The following JAZF1 variants were observed in gnomAD, a reference collection of about 807,000 sequenced individuals.
JAZF1 encodes the protein juxtaposed with another zinc finger protein 1.
JAZF1 carries 8 observed loss-of-function variants against 26.4 expected under a neutral mutation model. That is an observed-to-expected ratio of 0.30 (90% CI 0.18 to 0.55). The LOEUF (loss-of-function observed/expected upper bound fraction) is 0.55, where lower values mean the gene tolerates loss of function less well. Among genes scored for constraint, JAZF1 ranks in the 20% least tolerant of loss-of-function variants. The pLI is 0.94. For missense variants in JAZF1, 199 were observed against 322.0 expected, an observed-to-expected ratio of 0.62 and a Z score of 2.92; for synonymous variants, 126 against 122.3, an observed-to-expected ratio of 1.03 and a Z score of -0.20.
At chr7:28,143,076 AAG>A (rs1782981195) in intron 1 of JAZF1, among the ~76,000 whole-genome samples, 1 of 152,168 alleles carries the variant, frequency 6.6e-6, no homozygotes, top group Non-Finnish European at 1.5e-5. Context: ...AGAGAGAATG[AAG>A]AGTTTTGTTT....
chr7:27,998,227 C>CTATTAAAAATGCTGCT (rs1314142557), intron 1 of JAZF1, among the ~76,000 whole-genome samples: 2 of 152,126 alleles, frequency 1.3e-5, no homozygotes, highest in African/African-American at 4.8e-5. Context: ...AGCATTTGGA[C>CTATTAAAAATGCTGCT]TATTAAAAAT....
At chr7:27,982,782 C>A (rs1029747217) in intron 2 of JAZF1, among the ~76,000 whole-genome samples, 30 of 152,158 alleles carry the variant, frequency 2.0e-4, no homozygotes, top group Non-Finnish European at 7.4e-5. Context: ...TGTCGTCCTG[C>A]AATATTTGCT....
chr7:28,141,655 G>GT (rs2127945712), intron 1 of JAZF1, among the ~76,000 whole-genome samples: 1 of 152,290 alleles, frequency 6.6e-6, no homozygotes, highest in African/African-American at 2.4e-5. Context: ...TTCATATACA[G>GT]TAAGTTCAGC....
At chr7:27,996,036 A>T (rs1786008638) in intron 1 of JAZF1, among the ~76,000 whole-genome samples, 1 of 152,202 alleles carries the variant, frequency 6.6e-6, no homozygotes, top group Non-Finnish European at 1.5e-5. Context: ...TGTCTCCAGC[A>T]CTGGAACCAA....
intron 3 of JAZF1, among the ~76,000 whole-genome samples, chr7:27,873,998 G>A (rs1783629361): frequency 1.3e-5 from 2 of 152,352 alleles, no homozygotes; most frequent in South Asian, 4.1e-4. Context: ...AATTGGAATG[G>A]CAATCATAAG....
At chr7:28,035,190 G>C (rs908616135) in intron 1 of JAZF1, among the ~76,000 whole-genome samples, 1 of 151,176 alleles carries the variant, frequency 6.6e-6, no homozygotes, top group Non-Finnish European at 1.5e-5. Flanking sequence ...GGTGGTGGGC[G>C]CCTGTAATCC....
Position 28,180,690 on chromosome 7 carries a change from G to A in JAZF1, c.-113C>T. ...GAGGGGCTGGGGGAGGGGGAGAGAG[G>A]CGGGGTGAGGGGAGCGGCGAGGACG... On this transcript the variant is annotated 5_prime_UTR_variant, in exon 1 of 5. Transcript: ENST00000283928. 1.6e-6 allele frequency: 1 copy of A among 629,334 alleles called. No homozygotes were observed. Among genetic ancestry groups the A allele is most frequent in the Non-Finnish European group, 2.8e-6 (1 of 361,954 alleles). The allele number at this position is 629,334 out of a possible 1,614,324, so 39.0% of individuals were successfully genotyped here. A position where few individuals can be genotyped will look rare whatever the true frequency, so the allele number is the denominator to read the frequency against.
intron 1 of JAZF1, among the ~76,000 whole-genome samples, chr7:28,131,394 C>T (rs1156470479): frequency 6.6e-6 from 1 of 151,996 alleles, no homozygotes; most frequent in Admixed American, 6.6e-5. Context: ...GGGAAAATAA[C>T]AGAAGATTCT....
Position 27,895,373 on chromosome 7 carries a change from T to G in JAZF1, c.232A>C (p.Lys78Gln), listed in dbSNP as rs1784043896. ...AGCGAGAGCTTCGGCTGAATCTTCTTCTTTAGGGACTCCTGCTCTCGGCGG... is the reference window on the plus strand; with the variant it reads ...AGCGAGAGCTTCGGCTGAATCTTCTGCTTTAGGGACTCCTGCTCTCGGCGG... ...AARREQESLK[K>Q]KIQPKLSLTL... Residue 78 changes from lysine (K) to glutamine (Q), a missense_variant, in exon 3 of 5, where the codon AAG becomes CAG. Lys to Gln is a moderately conservative substitution (Grantham distance 53, BLOSUM62 1). Around this residue, in one of 2 missense-constraint regions of JAZF1, gnomAD observed 137 missense variants for 184.8 expected, o/e 0.74. Coordinates refer to ENST00000283928, the MANE Select transcript of JAZF1 (RefSeq NM_175061.4). The G allele has an allele frequency of 6.2e-7, 1 of 1,607,138 alleles. No homozygotes were observed. Among genetic ancestry groups the G allele is most frequent in the African/African-American group, 1.3e-5 (1 of 74,454 alleles).
chr7:28,110,336 G>C (rs951950302), intron 1 of JAZF1, among the ~76,000 whole-genome samples: 2 of 151,518 alleles, frequency 1.3e-5, no homozygotes, highest in Admixed American at 1.3e-4. Context: ...TGCGGGAGGA[G>C]AATCACTTGA....
At chr7:28,048,266 T>C (rs1783531149) in intron 1 of JAZF1, among the ~76,000 whole-genome samples, 1 of 152,226 alleles carries the variant, frequency 6.6e-6, no homozygotes, top group Non-Finnish European at 1.5e-5. Flanking sequence ...TCAAGTAAGC[T>C]TGCCAGGTGT....
chr7:28,080,743 C>T (rs962512648), intron 1 of JAZF1, among the ~76,000 whole-genome samples: 15 of 152,144 alleles, frequency 9.9e-5, no homozygotes, highest in Middle Eastern at 3.4e-3. Flanking sequence ...TTAAGTTCAC[C>T]GTCTTATATG....
chr7:27,918,098 C>T (rs1784472515), intron 2 of JAZF1, among the ~76,000 whole-genome samples: 1 of 152,106 alleles, frequency 6.6e-6, no homozygotes. Context: ...AGGAGCAGGG[C>T]CTCTCTAATG....
At chr7:28,094,462 G>C (rs1259096224) in intron 1 of JAZF1, among the ~76,000 whole-genome samples, 1 of 152,216 alleles carries the variant, frequency 6.6e-6, no homozygotes, top group East Asian at 1.9e-4. Flanking sequence ...CCGCTCCGTA[G>C]CACGAAAAGC....
chr7:27,847,578 A>G (rs1431900975), intron 3 of JAZF1, among the ~76,000 whole-genome samples: 1 of 152,206 alleles, frequency 6.6e-6, no homozygotes, highest in Non-Finnish European at 1.5e-5. Flanking sequence ...CTCGTCAAAA[A>G]GCAGTTGAAT....
chr7:28,134,951 C>T (rs934585793), intron 1 of JAZF1, among the ~76,000 whole-genome samples: 8 of 152,194 alleles, frequency 5.3e-5, no homozygotes, highest in African/African-American at 7.2e-5. Flanking sequence ...TATATATACA[C>T]GTGCTCAACA....
Position 28,042,678 on chromosome 7 carries a change from G to A in JAZF1, c.116-50697C>T, listed in dbSNP as rs117881281. On this transcript the variant is annotated intron_variant, in intron 1 of 4. Coordinates refer to ENST00000283928, the MANE Select transcript of JAZF1 (RefSeq NM_175061.4). ...ATGATGGAACACTTACGTGATGGTG[G>A]TCCCATAAGGTTGTAATGCTGTATT... Among the ~76,000 whole-genome samples the A allele has an allele frequency of 2.8e-4, 42 of 152,214 alleles. No individual in the cohort carries two copies. In the East Asian group the frequency reaches 7.9e-3, roughly 29 times the overall value.
rs147420368 is a variant in JAZF1 at position 28,087,161 on chromosome 7, A to T, written c.115+93302T>A. Among the ~76,000 whole-genome samples the T allele has an allele frequency of 3.2e-3, 490 of 152,316 alleles. 6 individuals are homozygous for T. Among genetic ancestry groups the T allele is most frequent in the African/African-American group, 0.011 (476 of 41,576 alleles). The stretch of plus-strand genomic sequence containing the variant: ...ACTCTACACATTAATGATCAGATAG[A>T]CAAAAGTAATTATGTAACAGCTGCT... On this transcript the variant is annotated intron_variant, in intron 1 of 4. Coordinates refer to ENST00000283928, the MANE Select transcript of JAZF1 (RefSeq NM_175061.4).
Position 27,831,060 on chromosome 7 carries a change from A to T in JAZF1, c.*1740T>A, listed in dbSNP as rs2040545478. ...GCCAAGTGGGGCCTTCTTATGCACC[A>T]ACTAGTTGCGTCTCATGTCTGGATC... On this transcript the variant is annotated 3_prime_UTR_variant, in exon 5 of 5. Transcript: ENST00000283928. The T allele has an allele frequency of 4.5e-6, 1 of 222,166 alleles. No homozygotes were observed. The highest frequency in any genetic ancestry group is 9.0e-6 in the Non-Finnish European group (1 of 110,912). The allele number at this position is 222,166 out of a possible 1,614,324, so 13.8% of individuals were successfully genotyped here.
Sources: gnomAD v4.1 joint callset for allele counts (sites outside exome capture counted in the v4.1 genomes callset) on GRCh38, gnomAD v4.1.1 for gene constraint, gnomAD v4.1.1 regional missense constraint, MANE v1.5 for transcripts, NCBI Gene and HGNC (gene_info 2026-07-23, HGNC 2026-07-21) for gene names.